Variants in MVB12B observed in about 807,000 individuals in gnomAD.
The protein encoded by MVB12B is multivesicular body subunit 12B, also known as ESCRT-I complex subunit MVB12B.
In MVB12B, 16 loss-of-function variants were observed where a neutral mutation model predicts 41.6. That is an observed-to-expected ratio of 0.38 (90% CI 0.26 to 0.58). The LOEUF is 0.58. MVB12B is among the 20% of genes least tolerant of loss of function. The pLI, the probability that MVB12B is intolerant of heterozygous loss-of-function variation, is 0.62. For synonymous variants in MVB12B, 133 were observed against 139.7 expected (o/e 0.95, Z 0.34); for missense variants, 274 against 380.2 (o/e 0.72, Z 2.32).
intron 6 of MVB12B, among the ~76,000 whole-genome samples, chr9:126,407,877 C>T (rs1831492224): frequency 1.3e-5 from 2 of 152,170 alleles, no homozygotes; most frequent in South Asian, 4.1e-4. Context: ...AGAAACCTGA[C>T]TTCAGATCCC....
chr9:126,333,999 C>G lies in MVB12B; in HGVS notation c.82-6509C>G, dbSNP rs1231443417. Among the ~76,000 whole-genome samples the G allele has an allele frequency of 4.6e-5, 7 of 152,162 alleles. No homozygotes were observed. In the South Asian group the frequency reaches 1.2e-3, roughly 27 times the overall value. On this transcript the variant is annotated intron_variant, in intron 1 of 9. Transcript: ENST00000361171. The surrounding 1 kb of genome is among the most constrained non-coding windows in gnomAD (Gnocchi z 4.7). ...CTGTTACAAATGCATGTTCTTAGAC[C>G]AGCTCAGGCCTACTGCATCAGTATC...
In MVB12B at chr9:126,430,572, C is replaced by T. The variant is rs993925464; in HGVS notation, c.757+8624C>T. 2.8e-5 allele frequency among the ~76,000 whole-genome samples: 4 copies of T among 144,674 alleles called. No homozygotes were observed. The East Asian group carries it at 8.4e-4, about 30-fold the overall frequency. 94.9% of individuals were successfully genotyped at this position (144,674 alleles called of 152,430 possible). A position where few individuals can be genotyped will look rare whatever the true frequency, so the allele number is the denominator to read the frequency against. On this transcript the variant is annotated intron_variant, in intron 7 of 9. Transcript: ENST00000361171. ...CCATATTTAGAGAGAATGGAGGCTC[C>T]CCTCTTTTTTTTTTTTTAATTGAGG...
chr9:126,373,373 A>G (rs1830394084), intron 2 of MVB12B, among the ~76,000 whole-genome samples: 1 of 152,234 alleles, frequency 6.6e-6, no homozygotes, highest in Non-Finnish European at 1.5e-5. Context: ...TAAGTGGCTC[A>G]CAGTTGCCCG....
chr9:126,405,014 A>T (rs1831379462), intron 6 of MVB12B, among the ~76,000 whole-genome samples: 1 of 152,230 alleles, frequency 6.6e-6, no homozygotes, highest in Admixed American at 6.5e-5. Context: ...TGAGCAATAC[A>T]CTTTTTGATA....
chr9:126,436,685 G>A lies in MVB12B; in HGVS notation c.757+14737G>A, dbSNP rs1832486794. Among the ~76,000 whole-genome samples the A allele has an allele frequency of 6.6e-6, 1 of 152,292 alleles. No individual in the cohort carries two copies. Among genetic ancestry groups the A allele is most frequent in the East Asian group, 1.9e-4 (1 of 5,190 alleles). ...GGTCTGGTTCCTTAAATCCGTAGTG[G>A]CTCAGCATATAGTCCTTTGTCTGGC... On this transcript the variant is annotated intron_variant, in intron 7 of 9. Transcript: ENST00000361171. The surrounding 1 kb of genome is among the most constrained non-coding windows in gnomAD (Gnocchi z 4.1).
chr9:126,327,265 G>C (rs1465164255), intron 1 of MVB12B: 32 of 984,600 alleles, frequency 3.3e-5, no homozygotes, highest in Non-Finnish European at 3.9e-5. Context: ...TGGGGGACCC[G>C]AGTGCCAGCA....
intron 9 of MVB12B, among the ~76,000 whole-genome samples, chr9:126,501,768 C>A (rs189508154): frequency 6.6e-6 from 1 of 152,204 alleles, no homozygotes; most frequent in Non-Finnish European, 1.5e-5. Context: ...CTCAGCCCTG[C>A]GGCCCTCCTC....
chr9:126,451,970 A>C (rs998855260), intron 7 of MVB12B, among the ~76,000 whole-genome samples: 2 of 152,208 alleles, frequency 1.3e-5, no homozygotes, highest in African/African-American at 4.8e-5. Context: ...GGTGGTTATG[A>C]AAGTCCCACT....
intron 9 of MVB12B, among the ~76,000 whole-genome samples, chr9:126,488,397 G>T (rs1833666322): frequency 6.6e-6 from 1 of 150,946 alleles, no homozygotes; most frequent in Non-Finnish European, 1.5e-5. Flanking sequence ...ACTGCTTTCA[G>T]GTTCAGGGGC....
At chr9:126,481,275 A>G in intron 7 of MVB12B, 94 bp from the exon 8 acceptor site, 3 of 1,011,392 alleles carry the variant, frequency 3.0e-6, no homozygotes, top group Non-Finnish European at 4.6e-6. Flanking sequence ...CCAGTGACGG[A>G]TTCATATTCT....
At position 126,480,046 on chromosome 9, in the gene MVB12B, G is replaced by A. The variant is rs1157983237; in HGVS notation, c.758-1323G>A. ...GGTTCCAGAGAAGTCATCATTCCAGGAGACACTGGGGGAAGCAAAGATTGT... is the reference window on the plus strand; with the variant it reads ...GGTTCCAGAGAAGTCATCATTCCAGAAGACACTGGGGGAAGCAAAGATTGT... On this transcript the variant is annotated intron_variant, in intron 7 of 9. Transcript: ENST00000361171. The surrounding 1 kb of genome is among the most constrained non-coding windows in gnomAD (Gnocchi z 4.9). Among the ~76,000 whole-genome samples the A allele has an allele frequency of 2.0e-5, 3 of 152,230 alleles. No individual in the cohort carries two copies. Among genetic ancestry groups the A allele is most frequent in the East Asian group, 1.9e-4 (1 of 5,180 alleles).
At chr9:126,445,816 C>G (rs1376252377) in intron 7 of MVB12B, among the ~76,000 whole-genome samples, 1 of 152,020 alleles carries the variant, frequency 6.6e-6, no homozygotes, top group Non-Finnish European at 1.5e-5. Context: ...TTTTAATCTT[C>G]ATTTGGTAAC....
At chr9:126,375,577 T>C (rs1412341065) in intron 2 of MVB12B, among the ~76,000 whole-genome samples, 1 of 152,170 alleles carries the variant, frequency 6.6e-6, no homozygotes, top group Non-Finnish European at 1.5e-5. Context: ...TGCTGTCCTC[T>C]GGCTGCTGTG....
At position 126,506,435 on chromosome 9, in the gene MVB12B, C is replaced by G. The variant is rs1278654135; in HGVS notation, c.*3172C>G. 4.6e-5 allele frequency: 7 copies of G among 152,532 alleles called. No individual in the cohort carries two copies. Among genetic ancestry groups the G allele is most frequent in the African/African-American group, 1.7e-4 (7 of 41,468 alleles). 9.4% of individuals were successfully genotyped at this position (152,532 alleles called of 1,614,324 possible). ...CGTGCTGGGGCTGCCCTTTCTGTTT[C>G]CAGTCCAGTTACGGACTTCCCGGCC... is the stretch of plus-strand genomic sequence containing the variant. On this transcript the variant is annotated 3_prime_UTR_variant, in exon 10 of 10. Coordinates refer to ENST00000361171, the MANE Select transcript of MVB12B (RefSeq NM_033446.3).
At chr9:126,492,305 G>T (rs1833749569) in intron 9 of MVB12B, among the ~76,000 whole-genome samples, 1 of 151,204 alleles carries the variant, frequency 6.6e-6, no homozygotes, top group South Asian at 2.1e-4. Context: ...ATCCACTATT[G>T]ACTGACTTTT....
At chr9:126,337,932 G>T (rs1829329492) in intron 1 of MVB12B, among the ~76,000 whole-genome samples, 1 of 152,096 alleles carries the variant, frequency 6.6e-6, no homozygotes, top group South Asian at 2.1e-4. Flanking sequence ...GTTAATAAAT[G>T]GCCTTTTGTT....
rs2119011248 is a variant in MVB12B, at chr9:126,396,627, C to T, written c.662+930C>T. 8.1e-6 allele frequency: 8 copies of T among 985,488 alleles called. No homozygotes were observed. The South Asian group carries it at 3.3e-4, about 41-fold the overall frequency. 61.0% of individuals were successfully genotyped at this position (985,488 alleles called of 1,614,324 possible). A position where few individuals can be genotyped will look rare whatever the true frequency, so the allele number is the denominator to read the frequency against. On this transcript the variant is annotated intron_variant, in intron 6 of 9. Transcript: ENST00000361171. ...TGTACTCTGTTCCTCTGTGCCAAGCCTCCGTCTCACTTGGAAGAATGTGCT... is the reference window on the plus strand; with the variant it reads ...TGTACTCTGTTCCTCTGTGCCAAGCTTCCGTCTCACTTGGAAGAATGTGCT...
At chr9:126,421,562 C>T (rs916474118) in intron 6 of MVB12B, among the ~76,000 whole-genome samples, 3 of 152,172 alleles carry the variant, frequency 2.0e-5, no homozygotes, top group African/African-American at 7.2e-5. Context: ...ACTGCCACCC[C>T]GTAGAGTCCC....
At position 126,369,067 on chromosome 9, in the gene MVB12B, T is replaced by G. The variant is rs145944953; in HGVS notation, c.205-11997T>G. Among the ~76,000 whole-genome samples the G allele has an allele frequency of 3.3e-5, 5 of 152,360 alleles. No individual in the cohort carries two copies. In the East Asian group the frequency reaches 9.6e-4, roughly 29 times the overall value. On this transcript the variant is annotated intron_variant, in intron 2 of 9. Coordinates refer to ENST00000361171, the MANE Select transcript of MVB12B (RefSeq NM_033446.3). ...GAGCCTTCTGCTGCTCAGCCTGTAGTTCTTTTACCTTCAGTTTTTCACTGA... is the reference window on the plus strand; with the variant it reads ...GAGCCTTCTGCTGCTCAGCCTGTAGGTCTTTTACCTTCAGTTTTTCACTGA...
Sources: gnomAD v4.1 joint callset for allele counts (sites outside exome capture counted in the v4.1 genomes callset) on GRCh38, gnomAD v4.1.1 for gene constraint, Gnocchi (gnomAD v3.1) non-coding constraint, MANE v1.5 for transcripts, NCBI Gene and HGNC (gene_info 2026-07-23, HGNC 2026-07-21) for gene names.